The following NCAM2 variants were observed in gnomAD, a reference collection of about 807,000 sequenced individuals.
NCAM2 encodes the protein N-CAM-2.
NCAM2 carries 30 observed loss-of-function variants against 98.1 expected under a neutral mutation model. That is an observed-to-expected ratio of 0.31 (90% CI 0.23 to 0.41). The LOEUF (loss-of-function observed/expected upper bound fraction) is 0.41, where lower values mean the gene tolerates loss of function less well. Ranked by LOEUF, NCAM2 falls within the 10% of genes least tolerant of loss-of-function variation. The pLI is 1.00. For synonymous variants in NCAM2, 368 were observed against 342.4 expected (o/e 1.07, Z -0.83); for missense variants, 867 against 1,005.8 (o/e 0.86, Z 1.87).
intron 8 of NCAM2, among the ~76,000 whole-genome samples, chr21:21,342,515 A>G (rs1170762799): frequency 6.6e-6 from 1 of 152,174 alleles, no homozygotes; most frequent in Non-Finnish European, 1.5e-5. Flanking sequence ...CCTCTCCAGT[A>G]TGGCTATCTA....
At chr21:21,453,419 T>C (rs1981636585) in intron 12 of NCAM2, among the ~76,000 whole-genome samples, 1 of 151,842 alleles carries the variant, frequency 6.6e-6, no homozygotes, top group East Asian at 1.9e-4. Flanking sequence ...TTAAATGAAG[T>C]AGGAGTAGAC....
At chr21:21,202,490 C>T (rs987980246) in intron 1 of NCAM2, among the ~76,000 whole-genome samples, 1 of 131,526 alleles carries the variant, frequency 7.6e-6, no homozygotes, top group Admixed American at 9.2e-5. Flanking sequence ...AAACTTGGCT[C>T]ACCGCAACCT....
chr21:21,464,057 G>T (rs1324206862), intron 12 of NCAM2, among the ~76,000 whole-genome samples: 1 of 152,022 alleles, frequency 6.6e-6, no homozygotes, highest in African/African-American at 2.4e-5. Flanking sequence ...ATTTGCAATT[G>T]AAAGTGCATG....
chr21:21,126,471 A>G (rs1601438543), intron 1 of NCAM2, among the ~76,000 whole-genome samples: 1 of 151,924 alleles, frequency 6.6e-6, no homozygotes, highest in Non-Finnish European at 1.5e-5. Flanking sequence ...ATTTGTTTAT[A>G]TTCCTGTCAC....
intron 1 of NCAM2, among the ~76,000 whole-genome samples, chr21:21,278,022 G>T (rs767572150): frequency 2.0e-5 from 3 of 152,080 alleles, no homozygotes; most frequent in Non-Finnish European, 4.4e-5. Context: ...TGAAATTGAA[G>T]TATGCTAATG....
intron 1 of NCAM2, among the ~76,000 whole-genome samples, chr21:21,025,946 T>C (rs971338798): frequency 6.6e-6 from 1 of 152,182 alleles, no homozygotes; most frequent in Non-Finnish European, 1.5e-5. Context: ...GTTTAGTGAG[T>C]TCAGGGAGGG....
intron 1 of NCAM2, among the ~76,000 whole-genome samples, chr21:21,021,183 A>AT (rs141273460): frequency 0.024 from 3,570 of 148,886 alleles, 136 homozygotes; most frequent in African/African-American, 0.078. Flanking sequence ...TCTATGGATC[A>AT]TTTTTTTTTT....
intron 9 of NCAM2, among the ~76,000 whole-genome samples, chr21:21,391,263 A>G (rs2076374440): frequency 1.3e-5 from 2 of 152,168 alleles, no homozygotes; most frequent in South Asian, 4.1e-4. Flanking sequence ...GTATTTTTCA[A>G]ACATGCAAAT....
chr21:21,509,070 T>A lies in NCAM2; in HGVS notation c.2282+15T>A. 1 of 1,612,816 alleles carries A rather than the reference T, an allele frequency of 6.2e-7. No homozygotes were observed. Among genetic ancestry groups the A allele is most frequent in the Non-Finnish European group, 8.5e-7 (1 of 1,179,374 alleles). On this transcript the variant is annotated intron_variant, in intron 16 of 17. Transcript: ENST00000400546. Reference sequence around the variant, plus strand: ...GCTGCATACCTGTGAGTATCAGGCATCTACATCATGTCATATTAAACAAGC... The same window carrying A: ...GCTGCATACCTGTGAGTATCAGGCAACTACATCATGTCATATTAAACAAGC...
intron 8 of NCAM2, among the ~76,000 whole-genome samples, chr21:21,341,775 T>C (rs1485471793): frequency 6.6e-6 from 1 of 150,982 alleles, no homozygotes; most frequent in Non-Finnish European, 1.5e-5. Flanking sequence ...TAAAATACCA[T>C]GTGACTTAAA....
intron 1 of NCAM2, among the ~76,000 whole-genome samples, chr21:21,139,109 G>A (rs1423143930): frequency 6.6e-6 from 1 of 152,144 alleles, no homozygotes; most frequent in Non-Finnish European, 1.5e-5. Flanking sequence ...TTCTCTGGGT[G>A]GGCTCTAAAT....
chr21:21,492,461 A>G (rs930351234), intron 15 of NCAM2, among the ~76,000 whole-genome samples: 1 of 151,920 alleles, frequency 6.6e-6, no homozygotes, highest in Admixed American at 6.6e-5. Flanking sequence ...ACTTTTACAT[A>G]TAGCTGCTTC....
chr21:21,169,756 C>G (rs768367062), intron 1 of NCAM2, among the ~76,000 whole-genome samples: 1 of 151,916 alleles, frequency 6.6e-6, no homozygotes, highest in Admixed American at 6.6e-5. Context: ...TGAAACCAGC[C>G]TGGGCAACAT....
chr21:21,232,441 T>A (rs2070667382), intron 1 of NCAM2, among the ~76,000 whole-genome samples: 1 of 151,594 alleles, frequency 6.6e-6, no homozygotes. Flanking sequence ...CAGTTAATAA[T>A]CATTTTTGAG....
chr21:21,388,241 G>A (rs2076310420), intron 9 of NCAM2, among the ~76,000 whole-genome samples: 2 of 152,276 alleles, frequency 1.3e-5, no homozygotes, highest in Middle Eastern at 3.4e-3. Flanking sequence ...GTTCATCAGG[G>A]TAATACACTA....
rs1157469540 is a variant in NCAM2, at chr21:21,373,990, A to G, written c.1172A>G (p.Lys391Arg). The change falls in exon 9 of 18, where the codon AAG becomes AGG. Residue 391 changes from lysine to arginine, a missense_variant. Physicochemically the swap from Lys to Arg is conservative, Grantham distance 26. Around this residue, in one of 5 missense-constraint regions of NCAM2, gnomAD observed 447 missense variants for 495.7 expected, o/e 0.90. Coordinates refer to ENST00000400546, the MANE Select transcript of NCAM2 (RefSeq NM_004540.5). ...GCAAGCAGAATTGGAGGGCATCAAAAGAGCATGTACCTTGATATTGAATGT... is the reference window on the plus strand; with the variant it reads ...GCAAGCAGAATTGGAGGGCATCAAAGGAGCATGTACCTTGATATTGAATGT... ...EAASRIGGHQ[K>R]SMYLDIEYAP... is the part of the protein sequence containing the mutation. 6.2e-7 allele frequency: 1 copy of G among 1,610,470 alleles called. No individual in the cohort carries two copies. Among genetic ancestry groups the G allele is most frequent in the Admixed American group, 1.7e-5 (1 of 59,524 alleles).
intron 1 of NCAM2, among the ~76,000 whole-genome samples, chr21:21,272,395 T>C (rs1176299920): frequency 2.0e-5 from 3 of 152,112 alleles, no homozygotes; most frequent in East Asian, 1.9e-4. Context: ...TCCTTGGCCC[T>C]ACACCAAATA....
chr21:21,049,647 A>G (rs146732772), intron 1 of NCAM2, among the ~76,000 whole-genome samples: 2 of 151,976 alleles, frequency 1.3e-5, no homozygotes, highest in Non-Finnish European at 2.9e-5. Flanking sequence ...CTAGGTGGGC[A>G]GATTACCTGA....
chr21:21,097,785 A>G (rs1569020161), intron 1 of NCAM2, among the ~76,000 whole-genome samples: 1 of 151,146 alleles, frequency 6.6e-6, no homozygotes, highest in Non-Finnish European at 1.5e-5. Context: ...CAAAAGAGCA[A>G]GAAAGCAATT....
Sources: gnomAD v4.1 joint callset for allele counts (sites outside exome capture counted in the v4.1 genomes callset) on GRCh38, gnomAD v4.1.1 for gene constraint, gnomAD v4.1.1 regional missense constraint, MANE v1.5 for transcripts, NCBI Gene and HGNC (gene_info 2026-07-23, HGNC 2026-07-21) for gene names.